Variants in ATP9B observed in about 807,000 individuals in gnomAD.
ATP9B encodes probable phospholipid-transporting ATPase IIB.
In ATP9B, 110 loss-of-function variants were observed where a neutral mutation model predicts 146.1. The observed-to-expected ratio is 0.75, with a 90% CI of 0.65 to 0.88. The LOEUF (loss-of-function observed/expected upper bound fraction) is 0.88, where lower values mean the gene tolerates loss of function less well. Ranked by LOEUF, ATP9B falls within the 40% of genes least tolerant of loss-of-function variation. The pLI is 0.00. For missense variants in ATP9B, 1,499 were observed against 1,496.4 expected (o/e 1.00, Z -0.03); for synonymous variants, 604 against 569.7 (o/e 1.06, Z -0.86).
intron 2 of ATP9B, among the ~76,000 whole-genome samples, chr18:79,104,932 A>C (rs538033915): frequency 6.6e-6 from 1 of 152,182 alleles, no homozygotes; most frequent in East Asian, 1.9e-4. Context: ...TTATAGAGGC[A>C]GGGTCTTTCT....
chr18:79,209,203 G>A (rs146561191), intron 10 of ATP9B, among the ~76,000 whole-genome samples: 8 of 152,228 alleles, frequency 5.3e-5, no homozygotes, highest in Middle Eastern at 3.4e-3. Context: ...TTGAGTGCTC[G>A]GCCTTCAGTA....
chr18:79,304,475 C>A (rs1281057475), intron 14 of ATP9B, among the ~76,000 whole-genome samples: 8 of 152,304 alleles, frequency 5.3e-5, no homozygotes, highest in African/African-American at 9.6e-5. Context: ...CTGAACATCC[C>A]TTTGAGCATC....
intron 8 of ATP9B, among the ~76,000 whole-genome samples, chr18:79,188,796 A>G (rs906502811): frequency 7.9e-5 from 12 of 151,098 alleles, no homozygotes; most frequent in African/African-American, 2.9e-4. Flanking sequence ...CTTCAAGTGT[A>G]CCTCGGCTTC....
chr18:79,102,656 A>G (rs1484524147), intron 2 of ATP9B, among the ~76,000 whole-genome samples: 1 of 152,208 alleles, frequency 6.6e-6, no homozygotes, highest in African/African-American at 2.4e-5. Context: ...AATCTTGTTC[A>G]TATCTACAAA....
At chr18:79,343,912 T>A in intron 20 of ATP9B, 1 of 347,058 alleles carries the variant, frequency 2.9e-6, no homozygotes, top group South Asian at 2.7e-5. Context: ...GGAGTGTATG[T>A]ATAAAAGGCA....
In ATP9B at chr18:79,345,561, C is replaced by A. The variant is rs755682874; in HGVS notation, c.2606C>A (p.Thr869Asn). 48 of 1,608,354 alleles carry A rather than the reference C, an allele frequency of 3.0e-5. No individual in the cohort carries two copies. The highest frequency in any genetic ancestry group is 3.6e-5 in the Non-Finnish European group (42 of 1,179,856). Residue 869 changes from threonine to asparagine, a missense_variant, in exon 22 of 30, where the codon ACC (threonine) becomes AAC (asparagine). Thr to Asn is a moderately conservative substitution (Grantham distance 65). Transcript: ENST00000426216. ...CTGCAGCAGCACACAGGGAGACGCA[C>A]CTGCGCCATCGGTGAGAGCCGCCCA... ...TLLQQHTGRRTCAIGDGGNDV... is the reference protein window; with the variant it reads ...TLLQQHTGRRNCAIGDGGNDV...
intron 13 of ATP9B, among the ~76,000 whole-genome samples, chr18:79,281,936 T>A (rs2096381309): frequency 6.6e-6 from 1 of 152,198 alleles, no homozygotes; most frequent in Non-Finnish European, 1.5e-5. Context: ...CAGTTGCCAT[T>A]AAGAACATAC....
At chr18:79,170,167 A>C (rs1285086937) in intron 7 of ATP9B, among the ~76,000 whole-genome samples, 11 of 152,140 alleles carry the variant, frequency 7.2e-5, no homozygotes, top group Admixed American at 5.2e-4. Context: ...CCGGCCGGTA[A>C]CTTTCATTCA....
At chr18:79,256,286 T>TATATATATATATATATACACACAC (rs398033647) in intron 12 of ATP9B, among the ~76,000 whole-genome samples, 43 of 123,048 alleles carry the variant, frequency 3.5e-4, no homozygotes, top group African/African-American at 1.1e-3. Flanking sequence ...TATATATATA[T>TATATATATATATATATACACACAC]ACATACATAG....
intron 15 of ATP9B, among the ~76,000 whole-genome samples, chr18:79,311,998 G>A (rs541677016): frequency 5.3e-5 from 8 of 152,328 alleles, no homozygotes; most frequent in South Asian, 2.1e-4. Flanking sequence ...TGTCAAACCC[G>A]TAATGCCTTC....
chr18:79,349,159 AGAAAT>A (rs2096908521), intron 25 of ATP9B, among the ~76,000 whole-genome samples: 1 of 152,250 alleles, frequency 6.6e-6, no homozygotes, highest in South Asian at 2.1e-4. Flanking sequence ...GGTTATGACT[AGAAAT>A]GAAATCAGTG....
At chr18:79,198,158 T>A (rs1446480882) in intron 9 of ATP9B, among the ~76,000 whole-genome samples, 2 of 152,154 alleles carry the variant, frequency 1.3e-5, no homozygotes. Context: ...ATCTTTAAAA[T>A]CCTCAGGTAT....
At chr18:79,273,659 C>T (rs1044236423) in intron 12 of ATP9B, among the ~76,000 whole-genome samples, 10 of 152,176 alleles carry the variant, frequency 6.6e-5, no homozygotes, top group African/African-American at 1.9e-4. Flanking sequence ...ATAAATGCTG[C>T]AGGTTTAATT....
At chr18:79,289,320 A>T (rs1400532751) in intron 13 of ATP9B, among the ~76,000 whole-genome samples, 1 of 151,956 alleles carries the variant, frequency 6.6e-6, no homozygotes, top group South Asian at 2.1e-4. Flanking sequence ...ATTTCTTTTT[A>T]TTCTTTTTTC....
intron 15 of ATP9B, among the ~76,000 whole-genome samples, chr18:79,307,806 ATTTG>A (rs2096627613): frequency 6.6e-6 from 1 of 152,210 alleles, no homozygotes; most frequent in Non-Finnish European, 1.5e-5. Context: ...TCATTATTAA[ATTTG>A]TTTAATTAAT....
At chr18:79,154,608 A>G in intron 7 of ATP9B, 53 bp downstream of exon 7, 1 of 1,210,120 alleles carries the variant, frequency 8.3e-7, no homozygotes, top group Non-Finnish European at 1.1e-6. Flanking sequence ...GCAAAAACAA[A>G]TTTACAAATA....
intron 5 of ATP9B, among the ~76,000 whole-genome samples, chr18:79,134,808 T>C (rs1404497539): frequency 3.3e-5 from 5 of 152,234 alleles, no homozygotes; most frequent in Admixed American, 2.0e-4. Context: ...TAAAAAATCA[T>C]TTTTCTTGGA....
At chr18:79,377,198 C>G in intron 29 of ATP9B, 49 bp from the exon 30 acceptor site, 1 of 1,604,696 alleles carries the variant, frequency 6.2e-7, no homozygotes, top group Non-Finnish European at 8.5e-7. Flanking sequence ...CATGAGGGCC[C>G]AGGACTTCTT....
chr18:79,117,413 T>C (rs1424269015), intron 4 of ATP9B: 1 of 152,260 alleles, frequency 6.6e-6, no homozygotes, highest in Non-Finnish European at 1.5e-5. Context: ...CTATATGGGA[T>C]GGTCAAGGAA....
Sources: gnomAD v4.1 joint callset for allele counts (sites outside exome capture counted in the v4.1 genomes callset) on GRCh38, gnomAD v4.1.1 for gene constraint, MANE v1.5 for transcripts, NCBI Gene and HGNC (gene_info 2026-07-23, HGNC 2026-07-21) for gene names.